DNAH7: variants seen among roughly 807,000 people sequenced by gnomAD.
DNAH7 encodes dynein axonemal heavy chain 7, also known as axonemal beta dynein heavy chain 7.
DNAH7 carries 397 observed loss-of-function variants against 444.6 expected under a neutral mutation model. That is an observed-to-expected ratio of 0.89 (90% confidence interval 0.82 to 0.97). DNAH7 has a LOEUF of 0.97. DNAH7 is among the 50% of genes least tolerant of loss of function. The pLI, the probability that DNAH7 is intolerant of heterozygous loss-of-function variation, is 0.00. For missense variants in DNAH7, 4,902 were observed against 4,800.8 expected, an observed-to-expected ratio of 1.02 and a Z score of -0.62; for synonymous variants, 1,636 against 1,624.4, an observed-to-expected ratio of 1.01 and a Z score of -0.17.
intron 43 of DNAH7, among the ~76,000 whole-genome samples, chr2:195,857,992 T>A (rs915918128): frequency 2.0e-5 from 3 of 152,164 alleles, no homozygotes; most frequent in African/African-American, 7.2e-5. Flanking sequence ...ATACACCTCA[T>A]GAAATCTAAG....
At chr2:196,021,901 T>C (rs565749344) in intron 8 of DNAH7, among the ~76,000 whole-genome samples, 5 of 152,052 alleles carry the variant, frequency 3.3e-5, no homozygotes, top group Admixed American at 2.0e-4. Flanking sequence ...CTGAGGCAGG[T>C]GGATCACTTG....
chr2:195,907,046 C>G (rs1260623192), intron 25 of DNAH7, 37 bp from the exon 26 acceptor site: 2 of 1,505,496 alleles, frequency 1.3e-6, no homozygotes, highest in South Asian at 2.3e-5. Context: ...TTGACTTTAT[C>G]TGATTCAATG....
At chr2:195,772,686 C>T (rs1368851568) in intron 60 of DNAH7, among the ~76,000 whole-genome samples, 1 of 151,694 alleles carries the variant, frequency 6.6e-6, no homozygotes, top group African/African-American at 2.4e-5. Flanking sequence ...GGTTTCTGTA[C>T]TATAAATATT....
intron 15 of DNAH7, 21 bp from the exon 16 acceptor site, chr2:195,972,487 C>T (rs1299610964): frequency 1.3e-6 from 2 of 1,580,790 alleles, no homozygotes; most frequent in African/African-American, 1.3e-5. Context: ...ACAAAAATTA[C>T]AGGTGACATT....
chr2:196,043,239 G>C (rs1416359841), intron 5 of DNAH7, among the ~76,000 whole-genome samples: 2 of 151,454 alleles, frequency 1.3e-5, no homozygotes, highest in Non-Finnish European at 3.0e-5. Flanking sequence ...TTTAAAAAAA[G>C]GGAAAAAAAA....
chr2:195,904,012 C>T (rs1686864384), intron 27 of DNAH7: 1 of 152,200 alleles, frequency 6.6e-6, no homozygotes, highest in African/African-American at 2.4e-5. Flanking sequence ...AAGGGCCACA[C>T]TGAAGCTCTA....
In DNAH7 at chr2:195,858,527, C is replaced by A; in HGVS notation, c.8014G>T (p.Ala2672Ser). 1.2e-6 allele frequency: 2 copies of A among 1,613,432 alleles called. No individual in the cohort carries two copies. Among genetic ancestry groups the A allele is most frequent in the Non-Finnish European group, 8.5e-7 (1 of 1,179,790 alleles). ...KDECDADLAGALPILESALAA... is the reference protein window; with the variant it reads ...KDECDADLAGSLPILESALAA... ...AGTGCTGACTCTAATATTGGCAAGG[C>A]ACCTGCCAGGTCAGCATCGCACTCA... Residue 2672 changes from alanine (A) to serine (S), a missense_variant, in exon 43 of 65, where the codon GCC (alanine) becomes TCC (serine). Coordinates refer to ENST00000312428, the MANE Select transcript of DNAH7 (RefSeq NM_018897.3).
intron 27 of DNAH7, chr2:195,905,269 C>A (rs1031425106): frequency 6.6e-6 from 1 of 152,066 alleles, no homozygotes; most frequent in African/African-American, 2.4e-5. Flanking sequence ...CGAACAAATA[C>A]AAGAACTGCA....
At chr2:195,777,542 G>A (rs1695117234) in intron 59 of DNAH7, among the ~76,000 whole-genome samples, 1 of 152,104 alleles carries the variant, frequency 6.6e-6, no homozygotes, top group Non-Finnish European at 1.5e-5. Context: ...CCAAAGGACT[G>A]AGTTTATGAT....
intron 12 of DNAH7, chr2:195,999,092 A>G (rs929481124): frequency 7.0e-6 from 5 of 717,042 alleles, no homozygotes; most frequent in Non-Finnish European, 1.0e-5. Context: ...GTTGGAAGTC[A>G]TAATTGGCAT....
chr2:195,799,458 C>T lies in DNAH7; in HGVS notation c.10191G>A (p.Leu3397=), dbSNP rs754164478. ...CCAATCTGTTGATTATAAATTCCTGCAACATTGGAATAACCTAGAAAGAGA... is the reference window on the plus strand; with the variant it reads ...CCAATCTGTTGATTATAAATTCCTGTAACATTGGAATAACCTAGAAAGAGA... The part of the protein sequence containing the change: ...CLRPDKVIPM[L]QEFIINRLGR... Residue 3397 remains leucine (L), a synonymous_variant, in exon 55 of 65, where the codon TTG becomes TTA. Transcript: ENST00000312428. 1.9e-6 allele frequency: 3 copies of T among 1,597,364 alleles called. No individual in the cohort carries two copies. Among genetic ancestry groups the T allele is most frequent in the Non-Finnish European group, 2.6e-6 (3 of 1,172,644 alleles).
chr2:195,755,329 G>C (rs529956856), intron 62 of DNAH7, among the ~76,000 whole-genome samples: 8 of 152,084 alleles, frequency 5.3e-5, no homozygotes, highest in Non-Finnish European at 1.2e-4. Flanking sequence ...GAGACCTTAA[G>C]GCCTTTAGAA....
At chr2:195,903,837 T>TC (rs1686851224) in intron 27 of DNAH7, 1 of 152,040 alleles carries the variant, frequency 6.6e-6, no homozygotes, top group Non-Finnish European at 1.5e-5. Flanking sequence ...CCCACAACCC[T>TC]CCTCACTACA....
At chr2:195,893,041 A>G (rs12467054) in intron 30 of DNAH7, 2,039 of 144,260 alleles carry the variant, frequency 0.014, 96 homozygotes, top group Admixed American at 0.083. Flanking sequence ...CCTGGGCTCA[A>G]GTGGTCCTCT....
intron 61 of DNAH7, among the ~76,000 whole-genome samples, chr2:195,766,947 T>G (rs182197442): frequency 2.6e-5 from 4 of 152,302 alleles, no homozygotes; most frequent in African/African-American, 9.6e-5. Flanking sequence ...GATATTAGTT[T>G]CTGGTTACTT....
At chr2:195,872,554 A>G in intron 39 of DNAH7, 85 bp from the exon 40 acceptor site, 1 of 794,554 alleles carries the variant, frequency 1.3e-6, no homozygotes, top group Non-Finnish European at 1.9e-6. Flanking sequence ...CAGGACCAAC[A>G]TAAAATTTTA....
chr2:195,805,411 A>T (rs1326958292), intron 54 of DNAH7, among the ~76,000 whole-genome samples: 2 of 152,178 alleles, frequency 1.3e-5, no homozygotes, highest in Non-Finnish European at 2.9e-5. Context: ...AGCATCTCAT[A>T]TTCTCCCATC....
In DNAH7 at chr2:195,864,822, C is replaced by T. The variant is rs1365792332; in HGVS notation, c.6833G>A (p.Arg2278Lys). The T allele has an allele frequency of 6.2e-7, 1 of 1,614,078 alleles. No individual in the cohort carries two copies. The highest frequency in any genetic ancestry group is 8.5e-7 in the Non-Finnish European group (1 of 1,180,038). The change falls in exon 41 of 65, where the codon AGG becomes AAG. Residue 2278 changes from arginine to lysine, a missense_variant. Arg to Lys is a conservative substitution (Grantham distance 26, BLOSUM62 2). Coordinates refer to ENST00000312428, the MANE Select transcript of DNAH7 (RefSeq NM_018897.3). ...GATTTCTCTGTAGTTGGTATCCTCC[C>T]TCTTGGGATCATGGAAATCACAAAA... ...LMFCDFHDPK[R>K]EDTNYREIAD...
intron 21 of DNAH7, among the ~76,000 whole-genome samples, chr2:195,927,198 TCTA>T (rs1210904860): frequency 2.6e-5 from 4 of 152,156 alleles, no homozygotes; most frequent in African/African-American, 9.7e-5. Context: ...GACTGATACA[TCTA>T]CTTTTTCTAC....
Sources: allele counts gnomAD v4.1 joint callset (sites outside exome capture counted in the v4.1 genomes callset), GRCh38; gene constraint gnomAD v4.1.1; transcripts MANE v1.5; gene names NCBI Gene and HGNC (gene_info 2026-07-23, HGNC 2026-07-21).